Variants in TMIGD1 observed in about 807,000 individuals in gnomAD.
TMIGD1 encodes the protein transmembrane and immunoglobulin domain-containing protein 1.
In TMIGD1, 29 loss-of-function variants were observed where a neutral mutation model predicts 27.5. The observed-to-expected ratio is 1.05, with a 90% CI of 0.78 to 1.44. TMIGD1 has a LOEUF of 1.44. Among genes scored for constraint, TMIGD1 ranks in the 40% most tolerant of loss-of-function variants. The pLI is 0.00. For synonymous variants in TMIGD1, 109 were observed against 110.3 expected (o/e 0.99, Z 0.07); for missense variants, 334 against 310.6 (o/e 1.08, Z -0.57).
At chr17:30,316,952 A>G in intron 6 of TMIGD1, 1 of 626,012 alleles carries the variant, frequency 1.6e-6, no homozygotes, top group Non-Finnish European at 2.8e-6. Context: ...CAGTTGCACA[A>G]ACATTGGGCA....
intron 5 of TMIGD1, 67 bp downstream of exon 5, chr17:30,318,743 A>G: frequency 2.4e-6 from 3 of 1,240,044 alleles, no homozygotes; most frequent in Non-Finnish European, 3.5e-6. Context: ...AGTCACTTAT[A>G]TTTCTAGCTT....
intron 3 of TMIGD1, among the ~76,000 whole-genome samples, chr17:30,327,054 A>C (rs929231480): frequency 6.6e-6 from 1 of 151,662 alleles, no homozygotes; most frequent in African/African-American, 2.4e-5. Flanking sequence ...ATACACACAC[A>C]CACACACACA....
chr17:30,324,299 C>T (rs933728374), intron 4 of TMIGD1, among the ~76,000 whole-genome samples: 2 of 152,080 alleles, frequency 1.3e-5, no homozygotes, highest in Non-Finnish European at 2.9e-5. Flanking sequence ...AGGTGATAAC[C>T]CTGGGTAGAT....
chr17:30,331,690 G>C, intron 2 of TMIGD1, among the ~76,000 whole-genome samples: 1 of 150,028 alleles, frequency 6.7e-6, no homozygotes, highest in East Asian at 2.0e-4. Flanking sequence ...CTGGGTTCAC[G>C]CCATTCTCCT....
At chr17:30,332,189 A>G in intron 1 of TMIGD1, 31 bp from the exon 2 acceptor site, 1 of 1,430,102 alleles carries the variant, frequency 7.0e-7, no homozygotes, top group Admixed American at 1.8e-5. Flanking sequence ...TTGGTTTTGT[A>G]CTTTGGTCTG....
rs375163830 is a variant in TMIGD1, at chr17:30,324,935, G to A, written c.521C>T (p.Thr174Ile). 5.2e-5 allele frequency: 84 copies of A among 1,614,070 alleles called. No homozygotes were observed. In the Middle Eastern group the frequency reaches 6.6e-4, roughly 13 times the overall value. ...GATTGACAGCTGAAAAGACTCACTT[G>A]TCTGTTGGATTTGGTGACGGCTTTT... is the stretch of plus-strand genomic sequence containing the variant. ...LEKSRHQIQQ[T>I]SESFQLSITK... Residue 174 changes from threonine (T) to isoleucine (I), a missense_variant, in exon 4 of 7, where the codon ACA (threonine) becomes ATA (isoleucine). Coordinates refer to ENST00000328886, the MANE Select transcript of TMIGD1 (RefSeq NM_206832.3).
At chr17:30,325,549 C>A (rs534579571) in intron 3 of TMIGD1, among the ~76,000 whole-genome samples, 103 of 142,376 alleles carry the variant, frequency 7.2e-4, no homozygotes, top group African/African-American at 2.4e-3. Context: ...ACTGCTAAGG[C>A]CTCTGTTTCT....
intron 1 of TMIGD1, among the ~76,000 whole-genome samples, 195 bp from the exon 2 acceptor site, chr17:30,332,353 TA>T (rs1567852640): frequency 6.6e-6 from 1 of 152,192 alleles, no homozygotes; most frequent in Non-Finnish European, 1.5e-5. Flanking sequence ...AAATTTTTTT[TA>T]AAAGCAACAT....
intron 3 of TMIGD1, among the ~76,000 whole-genome samples, chr17:30,326,151 A>G (rs1248960074): frequency 6.6e-6 from 1 of 152,198 alleles, no homozygotes; most frequent in Non-Finnish European, 1.5e-5. Context: ...ATCATATCCA[A>G]CAAGGATGTT....
Position 30,325,073 on chromosome 17 carries a change from T to G in TMIGD1, c.383A>C (p.Asn128Thr). 1.9e-6 allele frequency: 3 copies of G among 1,613,394 alleles called. No individual in the cohort carries two copies. Among genetic ancestry groups the G allele is most frequent in the Non-Finnish European group, 2.5e-6 (3 of 1,179,474 alleles). ...GCCTTCCTCAACTGTTTGGAAGTCG[T>G]TTCCACTTAGGAGAGGAGGAACTGC... The part of the protein sequence containing the change: ...NVTFPPLLSG[N>T]DFQTVEEGSN... Residue 128 changes from asparagine (N) to threonine (T), a missense_variant, in exon 4 of 7, where the codon AAC (asparagine) becomes ACC (threonine). By Grantham distance (65) the Asn-to-Thr change is moderately conservative. Transcript: ENST00000328886.
rs1567849527 is a variant in TMIGD1 at position 30,324,831 on chromosome 17, G to C, written c.625C>G (p.His209Asp). 6.2e-7 allele frequency: 1 copy of C among 1,614,020 alleles called. No homozygotes were observed. The highest frequency in any genetic ancestry group is 1.7e-5 in the Admixed American group (1 of 60,010). Residue 209 changes from histidine to aspartate, a missense_variant, in exon 4 of 7, where the codon CAC (histidine) becomes GAC (aspartate). Transcript: ENST00000328886. ...AGAGCATTACCTTTAACAATCAGGT[G>C]AAAGTCCAAGCTCTCCGTTTTCAGA... ...SSLKTESLDF[H>D]LIVKDKTVGV...
intron 3 of TMIGD1, 127 bp downstream of exon 3, chr17:30,329,124 A>T: frequency 9.5e-7 from 1 of 1,048,752 alleles, no homozygotes; most frequent in Non-Finnish European, 1.4e-6. Flanking sequence ...GGAAATAGGT[A>T]CTCTCATACT....
Position 30,317,135 on chromosome 17 carries a change from T to C in TMIGD1, c.785+58A>G, listed in dbSNP as rs1909439227. ...TCTGGAGTTTGTCTAGAGTGATGCATATCACTGCTATTCATCTGCTTATTT... is the reference window on the plus strand; with the variant it reads ...TCTGGAGTTTGTCTAGAGTGATGCACATCACTGCTATTCATCTGCTTATTT... On this transcript the variant is annotated intron_variant, in intron 6 of 6. Transcript: ENST00000328886. 7 of 1,558,536 alleles carry C rather than the reference T, an allele frequency of 4.5e-6. No homozygotes were observed. The Admixed American group carries it at 1.2e-4, about 26-fold the overall frequency.
chr17:30,330,703 T>TATTTG (rs1909948099), intron 2 of TMIGD1, among the ~76,000 whole-genome samples: 1 of 152,226 alleles, frequency 6.6e-6, no homozygotes, highest in Non-Finnish European at 1.5e-5. Flanking sequence ...TACCAGGTTT[T>TATTTG]TTTTGTTTTG....
At chr17:30,329,006 A>AAAAAG (rs976309264) in intron 3 of TMIGD1, among the ~76,000 whole-genome samples, 2 of 147,450 alleles carry the variant, frequency 1.4e-5, no homozygotes, top group African/African-American at 4.9e-5. Flanking sequence ...AAGAAAAAGA[A>AAAAAG]AAAAGAAAAG....
intron 1 of TMIGD1, among the ~76,000 whole-genome samples, chr17:30,333,532 C>A (rs1910051003): frequency 6.6e-6 from 1 of 152,008 alleles, no homozygotes; most frequent in African/African-American, 2.4e-5. Flanking sequence ...CCCTTAACAC[C>A]AGTATTAATT....
At chr17:30,321,862 T>C (rs1458406461) in intron 4 of TMIGD1, among the ~76,000 whole-genome samples, 2 of 152,178 alleles carry the variant, frequency 1.3e-5, no homozygotes, top group African/African-American at 4.8e-5. Flanking sequence ...AGGGTCTCAC[T>C]CTGTCACTCA....
chr17:30,316,775 A>G, intron 6 of TMIGD1, 85 bp from the exon 7 acceptor site: 1 of 1,299,378 alleles, frequency 7.7e-7, no homozygotes, highest in Non-Finnish European at 1.1e-6. Flanking sequence ...CTCTGACAAC[A>G]TGCCTTTGTT....
intron 1 of TMIGD1, among the ~76,000 whole-genome samples, chr17:30,333,122 C>A (rs570434017): frequency 3.3e-5 from 5 of 152,048 alleles, no homozygotes; most frequent in Non-Finnish European, 7.4e-5. Flanking sequence ...GATTAATATT[C>A]TTTTCCTTTA....
Sources: gnomAD v4.1 joint callset for allele counts (sites outside exome capture counted in the v4.1 genomes callset) on GRCh38, gnomAD v4.1.1 for gene constraint, MANE v1.5 for transcripts, NCBI Gene and HGNC (gene_info 2026-07-23, HGNC 2026-07-21) for gene names.